Variants in STK32B observed in about 807,000 individuals in gnomAD.
STK32B encodes serine/threonine kinase 32B.
In STK32B, 43 loss-of-function variants were observed where a neutral mutation model predicts 52.6. The observed-to-expected ratio is 0.82, with a 90% CI of 0.64 to 1.05. The LOEUF is 1.05. Among genes scored for constraint, STK32B ranks in the 50% least tolerant of loss-of-function variants. The pLI, the probability that STK32B is intolerant of heterozygous loss-of-function variation, is 0.00. For missense variants in STK32B, 621 were observed against 534.6 expected (o/e 1.16, Z -1.59); for synonymous variants, 238 against 204.3 (o/e 1.17, Z -1.41).
In STK32B at chr4:5,336,165, C is replaced by G. The variant is rs1475339068; in HGVS notation, c.434+4772C>G. 4.0e-5 allele frequency among the ~76,000 whole-genome samples: 6 copies of G among 148,494 alleles called. No homozygotes were observed. The Admixed American group carries it at 4.1e-4, about 10-fold the overall frequency. ...ACTAGATGCTGAAATGACACCCACA[C>G]ACCCACCCACACACACACAACTGAG... On this transcript the variant is annotated intron_variant, in intron 4 of 11. Transcript: ENST00000282908.
intron 11 of STK32B, among the ~76,000 whole-genome samples, chr4:5,479,347 G>A (rs970042458): frequency 2.6e-5 from 4 of 152,086 alleles, no homozygotes; most frequent in African/African-American, 9.7e-5. Context: ...TCAAATTCCC[G>A]ACCTCAGGTG....
intron 3 of STK32B, among the ~76,000 whole-genome samples, chr4:5,294,130 C>G (rs998281956): frequency 1.3e-5 from 2 of 152,094 alleles, no homozygotes. Flanking sequence ...GGCCTCTGTT[C>G]TGTTCCATTG....
intron 3 of STK32B, among the ~76,000 whole-genome samples, chr4:5,249,393 AG>A (rs1379702819): frequency 6.6e-6 from 1 of 152,006 alleles, no homozygotes; most frequent in African/African-American, 2.4e-5. Flanking sequence ...AATTATGACA[AG>A]GGATCTGATG....
At chr4:5,421,964 A>G (rs999147685) in intron 6 of STK32B, among the ~76,000 whole-genome samples, 1 of 152,202 alleles carries the variant, frequency 6.6e-6, no homozygotes, top group Non-Finnish European at 1.5e-5. Context: ...TGCTTTTGCT[A>G]CTACACCAAG....
intron 1 of STK32B, among the ~76,000 whole-genome samples, chr4:5,066,477 C>T (rs1742429442): frequency 6.6e-6 from 1 of 152,166 alleles, no homozygotes; most frequent in Non-Finnish European, 1.5e-5. Context: ...CCTTGCTTAA[C>T]ATTTTTTCAA....
intron 3 of STK32B, among the ~76,000 whole-genome samples, chr4:5,307,811 C>T (rs532572481): frequency 4.1e-5 from 6 of 146,786 alleles, no homozygotes; most frequent in Admixed American, 4.0e-4. Context: ...TTTTGTCCCA[C>T]GGGGGTGCTC....
chr4:5,473,254 C>T (rs781426657), intron 11 of STK32B, among the ~76,000 whole-genome samples: 12 of 152,138 alleles, frequency 7.9e-5, no homozygotes, highest in Non-Finnish European at 1.5e-4. Context: ...GGGAGCAAGG[C>T]CCCTGCTCTC....
At chr4:5,280,870 G>C (rs912699651) in intron 3 of STK32B, among the ~76,000 whole-genome samples, 3 of 152,100 alleles carry the variant, frequency 2.0e-5, no homozygotes, top group Non-Finnish European at 4.4e-5. Flanking sequence ...CTGCACTCCA[G>C]CCTGGGAGAC....
intron 4 of STK32B, among the ~76,000 whole-genome samples, chr4:5,377,224 C>T (rs902066931): frequency 2.6e-5 from 4 of 152,186 alleles, no homozygotes; most frequent in Admixed American, 6.5e-5. Context: ...TAACATTTCT[C>T]CATTAAAAAT....
chr4:5,182,592 G>A (rs1284476701), intron 3 of STK32B, among the ~76,000 whole-genome samples: 1 of 151,972 alleles, frequency 6.6e-6, no homozygotes, highest in Non-Finnish European at 1.5e-5. Context: ...CTCCTGAGTA[G>A]CTGGGACTAC....
intron 5 of STK32B, among the ~76,000 whole-genome samples, chr4:5,406,388 G>T (rs942501107): frequency 5.9e-5 from 9 of 152,120 alleles, no homozygotes; most frequent in Admixed American, 2.0e-4. Context: ...TTGGATAATG[G>T]TGGGCCCTCT....
chr4:5,439,320 T>C (rs1422229515), intron 6 of STK32B, among the ~76,000 whole-genome samples: 4 of 151,702 alleles, frequency 2.6e-5, no homozygotes, highest in East Asian at 1.9e-4. Flanking sequence ...TGGTATTTCA[T>C]TGTGGTTTGG....
intron 3 of STK32B, among the ~76,000 whole-genome samples, chr4:5,309,147 A>G (rs1006445125): frequency 5.3e-5 from 8 of 152,172 alleles, no homozygotes; most frequent in Non-Finnish European, 1.0e-4. Context: ...TTCATTTGCA[A>G]TAGCTACAAA....
At chr4:5,444,520 G>T (rs775428311) in intron 6 of STK32B, among the ~76,000 whole-genome samples, 10 of 152,206 alleles carry the variant, frequency 6.6e-5, no homozygotes, top group Non-Finnish European at 1.3e-4. Context: ...CTAGTGAGAT[G>T]AACCCGGTAC....
At chr4:5,246,193 G>A (rs553462632) in intron 3 of STK32B, among the ~76,000 whole-genome samples, 7 of 152,248 alleles carry the variant, frequency 4.6e-5, no homozygotes, top group Admixed American at 2.6e-4. Flanking sequence ...CTTTCTCCCC[G>A]TCACTTTCAG....
Position 5,425,983 on chromosome 4 carries a change from C to T in STK32B, c.562+9049C>T, listed in dbSNP as rs1713058046. The stretch of plus-strand genomic sequence containing the variant: ...CTTCCTGTTGCTGGATATACATACA[C>T]GTGTTTATCTGTTCATCAGTTGAGG... On this transcript the variant is annotated intron_variant, in intron 6 of 11. Transcript: ENST00000282908. Among the ~76,000 whole-genome samples, 4 of 152,112 alleles carry T rather than the reference C, an allele frequency of 2.6e-5. No individual in the cohort carries two copies. In the South Asian group the frequency reaches 8.3e-4, roughly 31 times the overall value.
In STK32B at chr4:5,453,911, AAAG is replaced by A. The variant is rs58736485; in HGVS notation, c.667-2892_667-2890del. The stretch of plus-strand genomic sequence containing the variant: ...CAAGAGTGAAACTCCATCTAAAAAA[AAAG>A]AAGTCCAAAACTGAACTCAGCCCCA... On this transcript the variant is annotated intron_variant, in intron 7 of 11. Transcript: ENST00000282908. The surrounding 1 kb of genome is among the most constrained non-coding windows in gnomAD (Gnocchi z 4.0). Among the ~76,000 whole-genome samples the A allele has an allele frequency of 0.09, 13,684 of 152,068 alleles. 1,002 individuals are homozygous for A. Among genetic ancestry groups the A allele is most frequent in the East Asian group, 0.39 (2,012 of 5,108 alleles).
chr4:5,324,030 T>C (rs1261027392), intron 3 of STK32B, among the ~76,000 whole-genome samples: 1 of 152,238 alleles, frequency 6.6e-6, no homozygotes, highest in East Asian at 1.9e-4. Flanking sequence ...TCTCAAAGGA[T>C]TGTTGGGAAC....
At chr4:5,230,835 G>C (rs777669139) in intron 3 of STK32B, among the ~76,000 whole-genome samples, 13 of 152,172 alleles carry the variant, frequency 8.5e-5, no homozygotes, top group Non-Finnish European at 1.3e-4. Flanking sequence ...AGAACAAGAG[G>C]GGGTAAGAGA....
Sources: gnomAD v4.1 joint callset for allele counts (sites outside exome capture counted in the v4.1 genomes callset) on GRCh38, gnomAD v4.1.1 for gene constraint, Gnocchi (gnomAD v3.1) non-coding constraint, MANE v1.5 for transcripts, NCBI Gene and HGNC (gene_info 2026-07-23, HGNC 2026-07-21) for gene names.